Variants in PXN observed in about 807,000 individuals in gnomAD.
PXN encodes the protein testicular tissue protein Li 134.
A neutral mutation model predicts 103.6 loss-of-function variants in PXN; 61 were observed. The ratio of observed to expected loss-of-function variants is 0.59; its 90% CI spans 0.48 to 0.73. PXN has a LOEUF of 0.73. PXN is among the 30% of genes least tolerant of loss of function. The pLI, the probability that PXN is intolerant of heterozygous loss-of-function variation, is 0.00. For missense variants in PXN, 1,274 were observed against 1,460.3 expected, an observed-to-expected ratio of 0.87 and a Z score of 2.08; for synonymous variants, 562 against 607.8, an observed-to-expected ratio of 0.92 and a Z score of 1.11.
Position 120,258,128 on chromosome 12 carries a change from G to A in PXN, c.13+7489C>T, listed in dbSNP as rs1021053802. Among the ~76,000 whole-genome samples the A allele has an allele frequency of 1.3e-5, 2 of 151,902 alleles. 1 individual carries two copies. Among genetic ancestry groups the A allele is most frequent in the African/African-American group, 4.8e-5 (2 of 41,340 alleles). The stretch of plus-strand genomic sequence containing the variant: ...GAATCACTTGAACCTGGGAGGCAGA[G>A]GTTGCAGTGAGCCAAGATCACACCA... On this transcript the variant is annotated intron_variant, in intron 1 of 14. Transcript: ENST00000637617.
intron 1 of PXN, among the ~76,000 whole-genome samples, chr12:120,234,267 A>G (rs551508857): frequency 6.6e-6 from 1 of 152,004 alleles, no homozygotes; most frequent in South Asian, 2.1e-4. Context: ...AATTTAGTTG[A>G]GCATGGTGGT....
At chr12:120,253,472 CAAAAAAGAAAAAAAA>C (rs1223964220) in intron 1 of PXN, among the ~76,000 whole-genome samples, 4 of 151,496 alleles carry the variant, frequency 2.6e-5, no homozygotes, top group Admixed American at 6.6e-5. Flanking sequence ...GACTCCATCT[CAAAAAAGAAAAAAAA>C]GAAAAAGAAA....
At chr12:120,240,347 AG>A (rs1348563496) in intron 1 of PXN, among the ~76,000 whole-genome samples, 1 of 152,162 alleles carries the variant, frequency 6.6e-6, no homozygotes, top group African/African-American at 2.4e-5. Context: ...GTGCATGCCC[AG>A]CACTGCAAGC....
In PXN at chr12:120,217,116, T is replaced by G; in HGVS notation, c.1717A>C (p.Ile573Leu). Residue 573 changes from isoleucine to leucine, a missense_variant and splice_region_variant, in exon 8 of 15, where the codon ATC becomes CTC. Physicochemically the swap from Ile to Leu is conservative, Grantham distance 5. This residue lies in a region of PXN where 1,178 missense variants were observed against 1,309.0 expected (regional missense o/e 0.90). Transcript: ENST00000637617. The surrounding 1 kb of genome is among the most constrained non-coding windows in gnomAD (Gnocchi z 4.1). Reference protein sequence around the residue: ...TTERISTSGQIRSVIRRSWES... With the variant: ...TTERISTSGQLRSVIRRSWES... ...CAGCTCCTCCTGATCACAGATCGGA[T>G]CTAGGGGGAGGGGGAGGGGAGGCTG... 1 of 1,581,094 alleles carries G rather than the reference T, an allele frequency of 6.3e-7. No homozygotes were observed.
At position 120,220,773 on chromosome 12, in the gene PXN, G is replaced by A. The variant is rs141237298; in HGVS notation, c.832-682C>T. Among the ~76,000 whole-genome samples the A allele has an allele frequency of 4.9e-3, 747 of 152,246 alleles. 7 individuals carry two copies. The highest frequency in any genetic ancestry group is 0.016 in the African/African-American group (672 of 41,534). On this transcript the variant is annotated intron_variant, in intron 6 of 14. Transcript: ENST00000637617. The surrounding 1 kb of genome is among the most constrained non-coding windows in gnomAD (Gnocchi z 6.1). ...AACCCTCCACCCCAGCCACACTCCT[G>A]TCTCCCACCATGAAACCTCAGCTGA...
intron 1 of PXN, among the ~76,000 whole-genome samples, chr12:120,230,593 A>C (rs1045259819): frequency 1.1e-4 from 16 of 152,154 alleles, no homozygotes; most frequent in African/African-American, 3.9e-4. Context: ...CTTCCAGATT[A>C]GGAAGGAAAA....
chr12:120,217,090 C>T lies in PXN; in HGVS notation c.1743G>A (p.Trp581Ter). ...ACATGGGGTGTGCGTGGCCAGACTCCCAGCTCCTCCTGATCACAGATCGGA... is the reference window on the plus strand; with the variant it reads ...ACATGGGGTGTGCGTGGCCAGACTCTCAGCTCCTCCTGATCACAGATCGGA... ...GQIRSVIRRS[W>*]ESGHAHPMSR... The change falls in exon 8 of 15, where the codon TGG (tryptophan) becomes TGA (stop). Residue 581 changes from tryptophan to a stop codon, truncating the protein, a stop_gained. Transcript: ENST00000637617. LOFTEE classifies it high-confidence loss of function. The surrounding 1 kb of genome is among the most constrained non-coding windows in gnomAD (Gnocchi z 4.1). The T allele has an allele frequency of 6.3e-7, 1 of 1,590,628 alleles. No individual in the cohort carries two copies. The highest frequency in any genetic ancestry group is 8.5e-7 in the Non-Finnish European group (1 of 1,176,890).
At chr12:120,263,513 C>G (rs1894204515) in intron 1 of PXN, among the ~76,000 whole-genome samples, 1 of 152,228 alleles carries the variant, frequency 6.6e-6, no homozygotes. Flanking sequence ...AGCCACAGAT[C>G]TGGGAGCTAG....
At chr12:120,238,351 C>T (rs1889501878) in intron 1 of PXN, among the ~76,000 whole-genome samples, 1 of 152,126 alleles carries the variant, frequency 6.6e-6, no homozygotes, top group African/African-American at 2.4e-5. Context: ...AGATGCCAAG[C>T]CTCATGGGTA....
Position 120,225,274 on chromosome 12 carries a change from C to G in PXN, c.14-897G>C, listed in dbSNP as rs1156879489. 1 of 158,750 alleles carries G rather than the reference C, an allele frequency of 6.3e-6. No homozygotes were observed. The highest frequency in any genetic ancestry group is 1.4e-5 in the Non-Finnish European group (1 of 71,486). 9.8% of individuals were successfully genotyped at this position (158,750 alleles called of 1,614,324 possible). A position where few individuals can be genotyped will look rare whatever the true frequency, so the allele number is the denominator to read the frequency against. ...CCTCCTGGGACCCTCAACAGCCCCA[C>G]GGCTCAGACAGCCTGGCCCTGGATG... On this transcript the variant is annotated intron_variant, in intron 1 of 14. Transcript: ENST00000637617. This position sits in a 1 kb window ranked among gnomAD's most constrained non-coding sequence, Gnocchi z 4.4.
Position 120,224,527 on chromosome 12 carries a change from CACCAGCCCCG to C in PXN, c.14-160_14-151del, listed in dbSNP as rs1886257096. 1 of 750,160 alleles carries C rather than the reference CACCAGCCCCG, an allele frequency of 1.3e-6. No homozygotes were observed. Among genetic ancestry groups the C allele is most frequent in the East Asian group, 2.5e-5 (1 of 39,578 alleles). 46.5% of individuals were successfully genotyped at this position (750,160 alleles called of 1,614,324 possible). On this transcript the variant is annotated intron_variant, in intron 1 of 14. Coordinates refer to ENST00000637617, the MANE Select transcript of PXN (RefSeq NM_001385981.1). This position sits in a 1 kb window ranked among gnomAD's most constrained non-coding sequence, Gnocchi z 5.0. ...AATGACCAGCCTTGGGACAGGAAGCCACCAGCCCCGACCAGCCTAACCAAGAGCCGGCTCC... is the reference window on the plus strand; with the variant it reads ...AATGACCAGCCTTGGGACAGGAAGCCACCAGCCTAACCAAGAGCCGGCTCC...
rs759575217 is a variant in PXN, at chr12:120,212,545, G to A, written c.3015C>T (p.Phe1005=). ...CFTPFVNGSF[F]EHDGQPYCEV... ...CACAGTAGGGCTGCCCGTCGTGCTC[G>A]AAGAAGCTGCCGTTCACGAATGGCG... The change falls in exon 15 of 15, where the codon TTC becomes TTT. Residue 1005 remains phenylalanine, a synonymous_variant. Coordinates refer to ENST00000637617, the MANE Select transcript of PXN (RefSeq NM_001385981.1). The surrounding 1 kb of genome is among the most constrained non-coding windows in gnomAD (Gnocchi z 7.2). The A allele has an allele frequency of 1.4e-5, 22 of 1,613,414 alleles. No individual in the cohort carries two copies. Among genetic ancestry groups the A allele is most frequent in the Non-Finnish European group, 1.6e-5 (19 of 1,179,604 alleles).
intron 1 of PXN, among the ~76,000 whole-genome samples, chr12:120,230,023 C>G (rs1199550774): frequency 1.3e-5 from 2 of 152,172 alleles, no homozygotes; most frequent in East Asian, 1.9e-4. Context: ...CTTGCATTCT[C>G]GAGGCCTGGC....
intron 1 of PXN, among the ~76,000 whole-genome samples, chr12:120,263,112 C>T (rs569412574): frequency 6.6e-6 from 1 of 152,252 alleles, no homozygotes; most frequent in South Asian, 2.1e-4. Flanking sequence ...CCAGGAGGCA[C>T]ACGGCTGAGA....
intron 1 of PXN, among the ~76,000 whole-genome samples, chr12:120,233,122 AG>A (rs781309441): frequency 1.3e-5 from 2 of 152,300 alleles, no homozygotes; most frequent in South Asian, 4.1e-4. Context: ...ACTTGACTGC[AG>A]CCCCCTGCCC....
Position 120,215,499 on chromosome 12 carries a change from G to T in PXN, c.2403+61C>A. The T allele has an allele frequency of 6.6e-7, 1 of 1,518,174 alleles. No individual in the cohort carries two copies. Among genetic ancestry groups the T allele is most frequent in the Non-Finnish European group, 8.8e-7 (1 of 1,136,422 alleles). The allele number at this position is 1,518,174 out of a possible 1,614,324, so 94.0% of individuals were successfully genotyped here. A position where few individuals can be genotyped will look rare whatever the true frequency, so the allele number is the denominator to read the frequency against. ...CGGAAAGGCTGAGGGCACCCAGCAG[G>T]CATGGCCAAGCCCAGGGAGAGCACG... On this transcript the variant is annotated intron_variant, in intron 10 of 14. Transcript: ENST00000637617. The surrounding 1 kb of genome is among the most constrained non-coding windows in gnomAD (Gnocchi z 4.9).
At chr12:120,246,206 G>A (rs1313202681) in intron 1 of PXN, among the ~76,000 whole-genome samples, 1 of 152,102 alleles carries the variant, frequency 6.6e-6, no homozygotes, top group East Asian at 1.9e-4. Context: ...GGGCAACACA[G>A]TGAGATTCCG....
In PXN at chr12:120,222,820, G is replaced by C. The variant is rs1328400514; in HGVS notation, c.493+43C>G. ...CTGGGATCTAGAGGTCAGCAGATGGGCCCTGGGCCCTGGTAGACCCTGCCC... is the reference window on the plus strand; with the variant it reads ...CTGGGATCTAGAGGTCAGCAGATGGCCCCTGGGCCCTGGTAGACCCTGCCC... On this transcript the variant is annotated intron_variant, in intron 4 of 14. Transcript: ENST00000637617. This position sits in a 1 kb window ranked among gnomAD's most constrained non-coding sequence, Gnocchi z 4.7. 2.5e-6 allele frequency: 4 copies of C among 1,607,972 alleles called. No individual in the cohort carries two copies. In the African/African-American group the frequency reaches 5.3e-5, roughly 21 times the overall value.
chr12:120,239,360 G>T (rs979376096), intron 1 of PXN, among the ~76,000 whole-genome samples: 6 of 151,976 alleles, frequency 3.9e-5, no homozygotes, highest in Non-Finnish European at 7.4e-5. Context: ...GAGGCAGGTG[G>T]ATCACAGGTC....
Sources: gnomAD v4.1 joint callset for allele counts (sites outside exome capture counted in the v4.1 genomes callset) on GRCh38, gnomAD v4.1.1 for gene constraint, gnomAD v4.1.1 regional missense constraint, Gnocchi (gnomAD v3.1) non-coding constraint, MANE v1.5 for transcripts, NCBI Gene and HGNC (gene_info 2026-07-23, HGNC 2026-07-21) for gene names.